MARCHF10: variants seen among roughly 807,000 people sequenced by gnomAD.
MARCHF10 encodes the protein probable E3 ubiquitin-protein ligase MARCHF10.
A neutral mutation model predicts 76.2 loss-of-function variants in MARCHF10; 64 were observed. The observed-to-expected ratio is 0.84, with a 90% CI of 0.69 to 1.03. MARCHF10 has a LOEUF of 1.03. Among genes scored for constraint, MARCHF10 ranks in the 50% least tolerant of loss-of-function variants. MARCHF10 has a pLI of 0.00. For missense variants in MARCHF10, 875 were observed against 958.0 expected (o/e 0.91, Z 1.14); for synonymous variants, 340 against 357.5 (o/e 0.95, Z 0.55).
intron 9 of MARCHF10, chr17:62,707,644 A>G (rs2089673942): frequency 1.3e-5 from 2 of 152,346 alleles, no homozygotes; most frequent in African/African-American, 4.8e-5. Flanking sequence ...AGGGGCGAGA[A>G]TGGCAGCGCT....
chr17:62,711,508 T>C lies in MARCHF10; in HGVS notation c.2215-164A>G, dbSNP rs998274275. Among the ~76,000 whole-genome samples, 1 of 152,156 alleles carries C rather than the reference T, an allele frequency of 6.6e-6. No homozygotes were observed. Among genetic ancestry groups the C allele is most frequent in the African/African-American group, 2.4e-5 (1 of 41,422 alleles). ...GACCAGAAGACAGAGCAGGAGGAGA[T>C]CCAGGGTAGAGGCCAGGGCAGCCAC... On this transcript the variant is annotated intron_variant, in intron 8 of 10. Coordinates refer to ENST00000311269, the MANE Select transcript of MARCHF10 (RefSeq NM_152598.4). This position sits in a 1 kb window ranked among gnomAD's most constrained non-coding sequence, Gnocchi z 4.4.
rs371710783 is a variant in MARCHF10 at position 62,738,060 on chromosome 17, T to TCTCTCTCTGTCACACA, written c.536-729_536-728insTGTGTGACAGAGAGAG. 1 of 127,312 alleles carries TCTCTCTCTGTCACACA rather than the reference T, an allele frequency of 7.9e-6. No homozygotes were observed. Among genetic ancestry groups the TCTCTCTCTGTCACACA allele is most frequent in the Non-Finnish European group, 1.6e-5 (1 of 62,192 alleles). 7.9% of individuals were successfully genotyped at this position (127,312 alleles called of 1,614,324 possible). A position where few individuals can be genotyped will look rare whatever the true frequency, so the allele number is the denominator to read the frequency against. ...AACTGTCTCTCTCTGTCTCTCTCTG[T>TCTCTCTCTGTCACACA]CACACACACACACACACACACACAC... On this transcript the variant is annotated intron_variant, in intron 5 of 10. Coordinates refer to ENST00000311269, the MANE Select transcript of MARCHF10 (RefSeq NM_152598.4). This position sits in a 1 kb window ranked among gnomAD's most constrained non-coding sequence, Gnocchi z 4.0.
chr17:62,703,323 C>G (rs1193315222), intron 10 of MARCHF10: 1 of 152,536 alleles, frequency 6.6e-6, no homozygotes, highest in South Asian at 2.1e-4. Flanking sequence ...TCCGGCAACC[C>G]ATATTAACAA....
intron 2 of MARCHF10, among the ~76,000 whole-genome samples, chr17:62,790,509 C>A (rs2148130992): frequency 6.6e-6 from 1 of 152,296 alleles, no homozygotes; most frequent in South Asian, 2.1e-4. Context: ...TCTATACTTG[C>A]AGATCCAGTA....
intron 9 of MARCHF10, among the ~76,000 whole-genome samples, chr17:62,707,259 G>A (rs2089650482): frequency 6.6e-6 from 1 of 151,980 alleles, no homozygotes; most frequent in Non-Finnish European, 1.5e-5. Flanking sequence ...AACCCTTCCC[G>A]CCCCACTCCC....
intron 5 of MARCHF10, among the ~76,000 whole-genome samples, chr17:62,742,802 A>G (rs1485963776): frequency 6.7e-6 from 1 of 149,766 alleles, no homozygotes; most frequent in Non-Finnish European, 1.5e-5. Context: ...GAGCTAATTT[A>G]TTTATTTTTT....
chr17:62,768,036 CA>C (rs1363372136), intron 3 of MARCHF10, among the ~76,000 whole-genome samples: 1 of 152,146 alleles, frequency 6.6e-6, no homozygotes, highest in Non-Finnish European at 1.5e-5. Flanking sequence ...CTTTGAAAGT[CA>C]TATGTTGAAG....
At chr17:62,792,773 T>TACCACCACCATCACCATC (rs2092878485) in intron 2 of MARCHF10, among the ~76,000 whole-genome samples, 1 of 31,652 alleles carries the variant, frequency 3.2e-5, no homozygotes, top group Non-Finnish European at 6.3e-5. Context: ...CCTCCATCAC[T>TACCACCACCATCACCATC]ACCACCACCA....
chr17:62,779,259 AGCACACAG>A (rs1334509392), intron 3 of MARCHF10, among the ~76,000 whole-genome samples: 3 of 152,220 alleles, frequency 2.0e-5, no homozygotes, highest in African/African-American at 7.2e-5. Context: ...CTGCCTCATC[AGCACACAG>A]GCCTAGGGCC....
Sources: gnomAD v4.1 joint callset for allele counts (sites outside exome capture counted in the v4.1 genomes callset) on GRCh38, gnomAD v4.1.1 for gene constraint, Gnocchi (gnomAD v3.1) non-coding constraint, MANE v1.5 for transcripts, NCBI Gene and HGNC (gene_info 2026-07-23, HGNC 2026-07-21) for gene names.